The following CDH18 variants were observed in gnomAD, a reference collection of about 807,000 sequenced individuals.
CDH18 encodes cadherin-18.
A neutral mutation model predicts 67.9 loss-of-function variants in CDH18; 31 were observed. The ratio of observed to expected loss-of-function variants is 0.46; its 90% CI spans 0.34 to 0.62. The LOEUF is 0.62. CDH18 is among the 20% of genes least tolerant of loss of function. CDH18 has a pLI of 0.01. For synonymous variants in CDH18, 362 were observed against 347.2 expected (o/e 1.04, Z -0.48); for missense variants, 890 against 975.5 (o/e 0.91, Z 1.17).
At chr5:19,667,873 C>G (rs1758184609) in intron 5 of CDH18, among the ~76,000 whole-genome samples, 1 of 151,700 alleles carries the variant, frequency 6.6e-6, no homozygotes, top group East Asian at 1.9e-4. Flanking sequence ...AAACAAATGC[C>G]ATTTACCATT....
chr5:19,856,767 C>T (rs1336600746), intron 2 of CDH18, among the ~76,000 whole-genome samples: 1 of 151,892 alleles, frequency 6.6e-6, no homozygotes, highest in Non-Finnish European at 1.5e-5. Context: ...TTCTTCGGGA[C>T]CTTGATCTTG....
At chr5:20,491,672 TTC>T (rs1753595900) in intron 1 of CDH18, among the ~76,000 whole-genome samples, 1 of 152,198 alleles carries the variant, frequency 6.6e-6, no homozygotes, top group African/African-American at 2.4e-5. Context: ...TTTTGTAGTA[TTC>T]AGGCCCTCAA....
intron 2 of CDH18, among the ~76,000 whole-genome samples, chr5:20,237,160 G>T (rs1046788922): frequency 6.6e-6 from 1 of 151,824 alleles, no homozygotes; most frequent in Non-Finnish European, 1.5e-5. Flanking sequence ...ATTAGAAATA[G>T]AAGAGAACTA....
At chr5:20,068,800 T>A (rs2150521360) in intron 2 of CDH18, among the ~76,000 whole-genome samples, 1 of 152,274 alleles carries the variant, frequency 6.6e-6, no homozygotes, top group South Asian at 2.1e-4. Context: ...ATTAAAACAA[T>A]TAGAATATCC....
chr5:19,655,076 C>G (rs970543272), intron 5 of CDH18, among the ~76,000 whole-genome samples: 1 of 152,108 alleles, frequency 6.6e-6, no homozygotes, highest in African/African-American at 2.4e-5. Flanking sequence ...TCGCACTTAG[C>G]GCTGCAGTTT....
chr5:20,058,809 G>C (rs1433495606), intron 2 of CDH18, among the ~76,000 whole-genome samples: 1 of 152,138 alleles, frequency 6.6e-6, no homozygotes, highest in Admixed American at 6.5e-5. Flanking sequence ...GCAAACTCCA[G>C]TTTACAGTAT....
chr5:19,738,708 G>C (rs1191039131), intron 4 of CDH18, among the ~76,000 whole-genome samples: 2 of 152,132 alleles, frequency 1.3e-5, no homozygotes, highest in African/African-American at 4.8e-5. Context: ...TGGTAAGAGG[G>C]TAACCATGTA....
At chr5:19,945,442 A>G (rs1561606968) in intron 2 of CDH18, among the ~76,000 whole-genome samples, 1 of 152,172 alleles carries the variant, frequency 6.6e-6, no homozygotes, top group Non-Finnish European at 1.5e-5. Flanking sequence ...GTCTGCTAAT[A>G]TTGTATCTAG....
At chr5:20,249,659 C>A (rs564868659) in intron 2 of CDH18, among the ~76,000 whole-genome samples, 2 of 152,076 alleles carry the variant, frequency 1.3e-5, no homozygotes, top group African/African-American at 4.8e-5. Flanking sequence ...CGTTAGCCAC[C>A]GCGCCCGGCC....
chr5:19,877,096 A>C (rs1787096157), intron 2 of CDH18, among the ~76,000 whole-genome samples: 2 of 152,130 alleles, frequency 1.3e-5, no homozygotes, highest in African/African-American at 4.8e-5. Context: ...AACAGACTTC[A>C]AATCACCTGT....
At chr5:19,827,426 A>T (rs1780524734) in intron 3 of CDH18, among the ~76,000 whole-genome samples, 1 of 152,134 alleles carries the variant, frequency 6.6e-6, no homozygotes, top group Admixed American at 6.6e-5. Flanking sequence ...CCTCTGAAAA[A>T]CAGATTGTAA....
chr5:20,249,745 T>C (rs1320483813), intron 2 of CDH18, among the ~76,000 whole-genome samples: 1 of 152,230 alleles, frequency 6.6e-6, no homozygotes, highest in African/African-American at 2.4e-5. Context: ...TTGAATTCTA[T>C]TGTAAAGACA....
At chr5:20,375,798 C>CAGT (rs1335279643) in intron 1 of CDH18, among the ~76,000 whole-genome samples, 5 of 152,000 alleles carry the variant, frequency 3.3e-5, no homozygotes, top group Admixed American at 3.3e-4. Flanking sequence ...TCATAGGAGA[C>CAGT]ACACTCCAAG....
chr5:19,861,549 T>C (rs530588779), intron 2 of CDH18, among the ~76,000 whole-genome samples: 7 of 152,094 alleles, frequency 4.6e-5, no homozygotes, highest in Non-Finnish European at 1.0e-4. Flanking sequence ...GGATTTTTGT[T>C]GAGAATAAAG....
intron 11 of CDH18, among the ~76,000 whole-genome samples, chr5:19,488,469 A>T (rs1007553313): frequency 3.9e-5 from 6 of 152,162 alleles, no homozygotes; most frequent in Admixed American, 1.3e-4. Flanking sequence ...AGACCAAAAA[A>T]TTTTTTAATG....
At chr5:19,924,087 T>C (rs923828538) in intron 2 of CDH18, among the ~76,000 whole-genome samples, 2 of 152,172 alleles carry the variant, frequency 1.3e-5, no homozygotes, top group African/African-American at 4.8e-5. Flanking sequence ...ATACAATGAG[T>C]AAAGCTATAA....
intron 10 of CDH18, among the ~76,000 whole-genome samples, chr5:19,506,121 A>AACAG (rs143117092): frequency 0.21 from 32,056 of 151,832 alleles, 3,629 homozygotes; most frequent in African/African-American, 0.27. Context: ...ATACACACAT[A>AACAG]ACAGAGAGCC....
intron 2 of CDH18, among the ~76,000 whole-genome samples, chr5:19,976,575 T>C (rs10035105): frequency 0.096 from 14,609 of 152,124 alleles, 1,977 homozygotes; most frequent in African/African-American, 0.3. Flanking sequence ...CTCAGGCATA[T>C]TATTTAGTAG....
At chr5:19,682,802 G>A (rs1178044692) in intron 5 of CDH18, among the ~76,000 whole-genome samples, 1 of 152,012 alleles carries the variant, frequency 6.6e-6, no homozygotes, top group Non-Finnish European at 1.5e-5. Context: ...TATATATGCA[G>A]GACATGAAGT....
Sources: gnomAD v4.1 joint callset for allele counts (sites outside exome capture counted in the v4.1 genomes callset) on GRCh38, gnomAD v4.1.1 for gene constraint, MANE v1.5 for transcripts, NCBI Gene and HGNC (gene_info 2026-07-23, HGNC 2026-07-21) for gene names.